The following CPSF3 variants were observed in gnomAD, a reference collection of about 807,000 sequenced individuals.
CPSF3 encodes the protein cleavage and polyadenylation specific factor 3, also known as cleavage and polyadenylation specificity factor subunit 3.
In CPSF3, 57 loss-of-function variants were observed where a neutral mutation model predicts 84.1. The ratio of observed to expected loss-of-function variants is 0.68; its 90% CI spans 0.55 to 0.85. The LOEUF is 0.85. Ranked by LOEUF, CPSF3 falls within the 40% of genes least tolerant of loss-of-function variation. CPSF3 has a pLI of 0.00. For synonymous variants in CPSF3, 275 were observed against 278.1 expected, an observed-to-expected ratio of 0.99 and a Z score of 0.11; for missense variants, 522 against 838.8, an observed-to-expected ratio of 0.62 and a Z score of 4.66.
chr2:9,447,458 AAC>A (rs921919358), intron 10 of CPSF3, among the ~76,000 whole-genome samples: 69 of 151,216 alleles, frequency 4.6e-4, no homozygotes, highest in African/African-American at 1.7e-3. Flanking sequence ...CAGCCTGCGC[AAC>A]AGAGTGAGAC....
chr2:9,447,308 G>T (rs1681158817), intron 10 of CPSF3, among the ~76,000 whole-genome samples: 1 of 151,280 alleles, frequency 6.6e-6, no homozygotes, highest in Non-Finnish European at 1.5e-5. Flanking sequence ...GTGAGACCGT[G>T]TCTCTACAAA....
At chr2:9,430,511 C>G (rs1187053142) in intron 3 of CPSF3, among the ~76,000 whole-genome samples, 1 of 152,186 alleles carries the variant, frequency 6.6e-6, no homozygotes, top group Non-Finnish European at 1.5e-5. Context: ...ATTCTTCTTC[C>G]TCCCTAATTC....
chr2:9,456,918 A>G lies in CPSF3; in HGVS notation c.1604-15A>G, dbSNP rs1018242612. On this transcript the variant is annotated splice_polypyrimidine_tract_variant and intron_variant, in intron 13 of 17. Coordinates refer to ENST00000238112, the MANE Select transcript of CPSF3 (RefSeq NM_016207.4). Reference sequence around the variant, plus strand: ...AGAAAAGTATATACATCTTATAGTTATGTCTTTCTTTCAGGTGATGTGGAA... The same window carrying G: ...AGAAAAGTATATACATCTTATAGTTGTGTCTTTCTTTCAGGTGATGTGGAA... 3 of 1,466,538 alleles carry G rather than the reference A, an allele frequency of 2.0e-6. No individual in the cohort carries two copies. The highest frequency in any genetic ancestry group is 3.7e-5 in the Admixed American group (2 of 54,404). The allele number at this position is 1,466,538 out of a possible 1,614,324, so 90.8% of individuals were successfully genotyped here.
At chr2:9,453,381 T>C (rs1681401732) in intron 12 of CPSF3, among the ~76,000 whole-genome samples, 1 of 152,232 alleles carries the variant, frequency 6.6e-6, no homozygotes, top group Non-Finnish European at 1.5e-5. Flanking sequence ...TTCAGTTTTT[T>C]ATGACCTTTA....
intron 1 of CPSF3, chr2:9,424,151 G>T (rs1353822952): frequency 9.3e-7 from 1 of 1,071,546 alleles, no homozygotes; most frequent in East Asian, 7.0e-5. Context: ...GGATCTCTGC[G>T]CGTCAGGGCA....
chr2:9,463,541 C>G (rs945609125), intron 15 of CPSF3, among the ~76,000 whole-genome samples: 1 of 152,200 alleles, frequency 6.6e-6, no homozygotes, highest in African/African-American at 2.4e-5. Context: ...GATATGTCAG[C>G]ATGGACAGTT....
At chr2:9,430,512 T>C (rs945967763) in intron 3 of CPSF3, among the ~76,000 whole-genome samples, 3 of 152,214 alleles carry the variant, frequency 2.0e-5, no homozygotes, top group African/African-American at 7.2e-5. Flanking sequence ...TTCTTCTTCC[T>C]CCCTAATTCA....
chr2:9,471,335 AT>A lies in CPSF3; in HGVS notation c.1857-4del, dbSNP rs1558468929. The A allele has an allele frequency of 6.4e-7, 1 of 1,568,702 alleles. No homozygotes were observed. The highest frequency in any genetic ancestry group is 1.7e-5 in the Admixed American group (1 of 59,786). On this transcript the variant is annotated splice_region_variant and splice_polypyrimidine_tract_variant and intron_variant, in intron 16 of 17. Transcript: ENST00000238112. ...TTTCACTAATCCTGCATTTCTGCTTATTTTCAGGGACATATTTGGAGAAGAC... is the reference window on the plus strand; with the variant it reads ...TTTCACTAATCCTGCATTTCTGCTTATTTCAGGGACATATTTGGAGAAGAC...
At chr2:9,464,490 CTAA>C (rs1681836255) in intron 15 of CPSF3, among the ~76,000 whole-genome samples, 1 of 151,960 alleles carries the variant, frequency 6.6e-6, no homozygotes, top group Non-Finnish European at 1.5e-5. Context: ...ATTAATGAAA[CTAA>C]TGATTATAAT....
chr2:9,470,177 G>C (rs886773974), intron 16 of CPSF3, among the ~76,000 whole-genome samples: 1 of 152,162 alleles, frequency 6.6e-6, no homozygotes, highest in Non-Finnish European at 1.5e-5. Flanking sequence ...GGCCGAGATC[G>C]GGACACTGCA....
intron 16 of CPSF3, 97 bp downstream of exon 16, chr2:9,467,873 TC>T: frequency 1.0e-6 from 1 of 952,848 alleles, no homozygotes; most frequent in Non-Finnish European, 1.7e-6. Context: ...GGGGCGTGGC[TC>T]TGGCCAGGCC....
At chr2:9,470,357 TAC>T (rs1332177406) in intron 16 of CPSF3, among the ~76,000 whole-genome samples, 1 of 152,248 alleles carries the variant, frequency 6.6e-6, no homozygotes, top group Admixed American at 6.5e-5. Context: ...CCCCGCTTAA[TAC>T]AGTGTTGTCA....
At chr2:9,450,145 AAAT>A (rs1558458590) in intron 11 of CPSF3, among the ~76,000 whole-genome samples, 2 of 138,776 alleles carry the variant, frequency 1.4e-5, no homozygotes, top group Non-Finnish European at 3.2e-5. Flanking sequence ...CTACAGGCAC[AAAT>A]TTTTTTTTTT....
At chr2:9,470,614 C>A (rs887642099) in intron 16 of CPSF3, among the ~76,000 whole-genome samples, 2 of 152,188 alleles carry the variant, frequency 1.3e-5, no homozygotes, top group Non-Finnish European at 2.9e-5. Context: ...TCAATAAATA[C>A]CAAGTTTAAT....
At position 9,426,478 on chromosome 2, in the gene CPSF3, C is replaced by T. The variant is rs533325621; in HGVS notation, c.51-2287C>T. On this transcript the variant is annotated intron_variant, in intron 1 of 17. Coordinates refer to ENST00000238112, the MANE Select transcript of CPSF3 (RefSeq NM_016207.4). The stretch of plus-strand genomic sequence containing the variant: ...ATCCTAGTAGAGATACCTAGTGTCA[C>T]GTGTATGTATTAAAGGTCTAGAATT... Among the ~76,000 whole-genome samples, 32 of 152,206 alleles carry T rather than the reference C, an allele frequency of 2.1e-4. No homozygotes were observed. In the South Asian group the frequency reaches 5.8e-3, roughly 28 times the overall value.
At chr2:9,424,053 G>A (rs1169657921) in intron 1 of CPSF3, 1 of 1,254,122 alleles carries the variant, frequency 8.0e-7, no homozygotes, top group Non-Finnish European at 1.0e-6. Flanking sequence ...TCAGGGGAGG[G>A]TATGTTGGAG....
At position 9,440,472 on chromosome 2, in the gene CPSF3, T is replaced by C. The variant is rs1324796004; in HGVS notation, c.761-19T>C. Reference sequence around the variant, plus strand: ...CCCATCTAACAAAGTGATGTTTGTTTCTTGCAAAATCTCTCTAGATGAGTA... The same window carrying C: ...CCCATCTAACAAAGTGATGTTTGTTCCTTGCAAAATCTCTCTAGATGAGTA... On this transcript the variant is annotated intron_variant, in intron 7 of 17. Transcript: ENST00000238112. The C allele has an allele frequency of 6.2e-7, 1 of 1,600,816 alleles. No individual in the cohort carries two copies. Among genetic ancestry groups the C allele is most frequent in the Non-Finnish European group, 8.5e-7 (1 of 1,169,934 alleles).
At chr2:9,456,446 A>G (rs957146407) in intron 13 of CPSF3, among the ~76,000 whole-genome samples, 2 of 152,228 alleles carry the variant, frequency 1.3e-5, no homozygotes, top group Admixed American at 1.3e-4. Flanking sequence ...ACCTTGCACT[A>G]GGATAATCTG....
chr2:9,440,804 T>G (rs1680940896), intron 8 of CPSF3, 138 bp downstream of exon 8: 1 of 805,602 alleles, frequency 1.2e-6, no homozygotes, highest in Non-Finnish European at 1.9e-6. Flanking sequence ...TCACTAGAAC[T>G]CAGGAGTTTG....
Sources: gnomAD v4.1 joint callset for allele counts (sites outside exome capture counted in the v4.1 genomes callset) on GRCh38, gnomAD v4.1.1 for gene constraint, MANE v1.5 for transcripts, NCBI Gene and HGNC (gene_info 2026-07-23, HGNC 2026-07-21) for gene names.